The following AMBRA1 variants were observed in gnomAD, a reference collection of about 807,000 sequenced individuals.
AMBRA1 encodes the protein autophagy and beclin 1 regulator 1, also known as activating molecule in BECN1-regulated autophagy protein 1.
A neutral mutation model predicts 125.4 loss-of-function variants in AMBRA1; 47 were observed. The observed-to-expected ratio is 0.37, with a 90% CI of 0.30 to 0.48. The LOEUF (loss-of-function observed/expected upper bound fraction) is 0.48. Among genes scored for constraint, AMBRA1 ranks in the 20% least tolerant of loss-of-function variants. The pLI is 0.99. For missense variants in AMBRA1, 1,331 were observed against 1,693.4 expected, an observed-to-expected ratio of 0.79 and a Z score of 3.76; for synonymous variants, 626 against 655.5, an observed-to-expected ratio of 0.95 and a Z score of 0.69.
intron 11 of AMBRA1, among the ~76,000 whole-genome samples, chr11:46,492,887 A>C (rs906680243): frequency 1.3e-5 from 2 of 152,184 alleles, no homozygotes; most frequent in South Asian, 4.2e-4. Flanking sequence ...CTCTCTACTA[A>C]AAATACAAAA....
At chr11:46,485,362 C>T (rs764617873) in intron 11 of AMBRA1, among the ~76,000 whole-genome samples, 47 of 152,302 alleles carry the variant, frequency 3.1e-4, no homozygotes, top group African/African-American at 1.0e-3. Context: ...AAAAGATGAA[C>T]GGGGACACAT....
At chr11:46,569,016 A>G (rs1281979488) in intron 1 of AMBRA1, among the ~76,000 whole-genome samples, 1 of 151,690 alleles carries the variant, frequency 6.6e-6, no homozygotes, top group Non-Finnish European at 1.5e-5. Context: ...CATGTTGGCC[A>G]GGCTGGTCTT....
At chr11:46,588,575 A>G (rs1342123782) in intron 1 of AMBRA1, among the ~76,000 whole-genome samples, 1 of 151,868 alleles carries the variant, frequency 6.6e-6, no homozygotes, top group African/African-American at 2.4e-5. Flanking sequence ...CAGGAGTTCG[A>G]GACCAGCCTG....
intron 11 of AMBRA1, among the ~76,000 whole-genome samples, chr11:46,470,726 A>G (rs1949554206): frequency 6.6e-6 from 1 of 151,968 alleles, no homozygotes; most frequent in South Asian, 2.1e-4. Flanking sequence ...CTGCACCACC[A>G]TACTCCAGCC....
intron 14 of AMBRA1, among the ~76,000 whole-genome samples, chr11:46,423,604 G>A (rs1946960863): frequency 6.6e-6 from 1 of 151,632 alleles, no homozygotes; most frequent in Non-Finnish European, 1.5e-5. Flanking sequence ...TATTAGCCAG[G>A]ATGGTCTTGA....
At chr11:46,583,898 A>C (rs1271489466) in intron 1 of AMBRA1, among the ~76,000 whole-genome samples, 1 of 143,542 alleles carries the variant, frequency 7.0e-6, no homozygotes, top group East Asian at 2.1e-4. Flanking sequence ...GATGTGGAGA[A>C]ATAGGAACAC....
chr11:46,500,799 C>CTCAAAA (rs1950809302), intron 9 of AMBRA1, among the ~76,000 whole-genome samples: 1 of 152,184 alleles, frequency 6.6e-6, no homozygotes. Flanking sequence ...CTTCAATACC[C>CTCAAAA]AGCTCAAATC....
At chr11:46,524,041 T>C (rs1463864315) in intron 7 of AMBRA1, among the ~76,000 whole-genome samples, 1 of 152,120 alleles carries the variant, frequency 6.6e-6, no homozygotes, top group African/African-American at 2.4e-5. Context: ...GCTAATTTTG[T>C]ATTTTTAGTA....
At chr11:46,446,190 C>A (rs1411421764) in intron 11 of AMBRA1, among the ~76,000 whole-genome samples, 1 of 152,110 alleles carries the variant, frequency 6.6e-6, no homozygotes, top group African/African-American at 2.4e-5. Flanking sequence ...CAAGGAGAGT[C>A]ATTTTTTTTG....
At chr11:46,531,926 T>C (rs941353823) in intron 7 of AMBRA1, among the ~76,000 whole-genome samples, 3 of 151,520 alleles carry the variant, frequency 2.0e-5, no homozygotes, top group African/African-American at 2.4e-5. Context: ...AAGACCGGCC[T>C]GGCCAACATG....
At chr11:46,590,213 T>C (rs944085612) in intron 1 of AMBRA1, among the ~76,000 whole-genome samples, 2 of 151,586 alleles carry the variant, frequency 1.3e-5, no homozygotes, top group Non-Finnish European at 2.9e-5. Context: ...TCTACTAAAA[T>C]ACAAAAAATT....
rs57293525 is a variant in AMBRA1, at chr11:46,551,096, C to CAA, written c.-120-2598_-120-2597dup. The stretch of plus-strand genomic sequence containing the variant: ...TGGGCGACGGAGTGAGACTCCGCCT[C>CAA]AAAAAAAAAAAAAAAAAAAGAATAG... On this transcript the variant is annotated intron_variant, in intron 1 of 17. Transcript: ENST00000683756. Among the ~76,000 whole-genome samples the CAA allele has an allele frequency of 5.1e-4, 25 of 49,274 alleles. 1 individual carries two copies. The highest frequency in any genetic ancestry group is 1.3e-3 in the African/African-American group (21 of 15,920). 32.3% of individuals were successfully genotyped at this position (49,274 alleles called of 152,430 possible).
intron 9 of AMBRA1, 144 bp downstream of exon 9, chr11:46,508,047 C>G: frequency 1.1e-6 from 1 of 878,124 alleles, no homozygotes; most frequent in East Asian, 2.7e-5. Context: ...AACCCTCTGT[C>G]CCTCACCCCA....
intron 7 of AMBRA1, among the ~76,000 whole-genome samples, chr11:46,514,243 T>C (rs1338352607): frequency 6.6e-6 from 1 of 152,198 alleles, no homozygotes; most frequent in Non-Finnish European, 1.5e-5. Context: ...TCCTGTGCGG[T>C]CACTTTATTC....
chr11:46,399,057 A>C (rs939448746), intron 17 of AMBRA1, among the ~76,000 whole-genome samples: 1 of 151,940 alleles, frequency 6.6e-6, no homozygotes, highest in African/African-American at 2.4e-5. Flanking sequence ...TACAGGCGTG[A>C]GCCACCACGC....
At chr11:46,425,234 C>A (rs1403608256) in intron 14 of AMBRA1, among the ~76,000 whole-genome samples, 1 of 151,942 alleles carries the variant, frequency 6.6e-6, no homozygotes, top group African/African-American at 2.4e-5. Context: ...TTCTACATCT[C>A]AAAGGAAATG....
At chr11:46,412,580 G>A (rs965384584) in intron 15 of AMBRA1, among the ~76,000 whole-genome samples, 8 of 152,086 alleles carry the variant, frequency 5.3e-5, no homozygotes, top group Non-Finnish European at 7.3e-5. Flanking sequence ...GTGAACCACC[G>A]TTCCCAGACT....
In AMBRA1 at chr11:46,397,506, C is replaced by T; in HGVS notation, c.3841G>A (p.Gly1281Ser). 2 of 1,528,864 alleles carry T rather than the reference C, an allele frequency of 1.3e-6. No homozygotes were observed. The highest frequency in any genetic ancestry group is 2.6e-5 in the South Asian group (2 of 77,534). 94.7% of individuals were successfully genotyped at this position (1,528,864 alleles called of 1,614,324 possible). The change falls in exon 18 of 18, where the codon GGT becomes AGT. Residue 1281 changes from glycine (G) to serine (S), a missense_variant. Gly to Ser is a moderately conservative substitution (Grantham distance 56). Around this residue, in one of 4 missense-constraint regions of AMBRA1, gnomAD observed 144 missense variants for 133.9 expected, o/e 1.08. Transcript: ENST00000683756. ...ELTNNNHLLD[G>S]GSSRGDAAGP... is the part of the protein sequence containing the mutation. ...GCAGCGTCCCCCCTGCTGCTGCCAC[C>T]ATCCAGAAGGTGGTTGTTATTGGTC...
intron 11 of AMBRA1, among the ~76,000 whole-genome samples, chr11:46,478,385 AC>A (rs1186881831): frequency 2.0e-5 from 3 of 152,096 alleles, no homozygotes; most frequent in Non-Finnish European, 2.9e-5. Flanking sequence ...TGTCAGTCTT[AC>A]TCCTACACAG....
Sources: gnomAD v4.1 joint callset for allele counts (sites outside exome capture counted in the v4.1 genomes callset) on GRCh38, gnomAD v4.1.1 for gene constraint, gnomAD v4.1.1 regional missense constraint, MANE v1.5 for transcripts, NCBI Gene and HGNC (gene_info 2026-07-23, HGNC 2026-07-21) for gene names.